The following SPTLC3 variants were observed in gnomAD, a reference collection of about 807,000 sequenced individuals.
SPTLC3 encodes serine palmitoyltransferase long chain base subunit 3, also known as serine palmitoyltransferase 3.
Under a neutral mutation model 59.3 loss-of-function variants are expected in SPTLC3, and 36 were observed. That is an observed-to-expected ratio of 0.61 (90% CI 0.47 to 0.80). SPTLC3 has a LOEUF of 0.80. Among genes scored for constraint, SPTLC3 ranks in the 30% least tolerant of loss-of-function variants. The probability of loss-of-function intolerance (pLI) is 0.00; values close to 1 mark genes in which losing one functional copy is unlikely to be tolerated. For synonymous variants in SPTLC3, 257 were observed against 240.8 expected, an observed-to-expected ratio of 1.07 and a Z score of -0.62; for missense variants, 625 against 685.1, an observed-to-expected ratio of 0.91 and a Z score of 0.98.
intron 6 of SPTLC3, among the ~76,000 whole-genome samples, chr20:13,103,509 C>T (rs9679883): frequency 0.024 from 3,637 of 152,182 alleles, 158 homozygotes; most frequent in African/African-American, 0.083. Context: ...ATATGAGTGC[C>T]GCTGATAGGC....
chr20:13,126,670 T>C lies in SPTLC3; in HGVS notation c.1232T>C (p.Ile411Thr). 6.2e-7 allele frequency: 1 copy of C among 1,614,064 alleles called. No individual in the cohort carries two copies. The highest frequency in any genetic ancestry group is 8.5e-7 in the Non-Finnish European group (1 of 1,179,956). Residue 411 changes from isoleucine (I) to threonine (T), a missense_variant, in exon 9 of 12, where the codon ATC (isoleucine) becomes ACC (threonine). Transcript: ENST00000399002. ...ATGAGCCCACCGATAGCAGAGCAAA[T>C]CATCAGATCACTAAAACTTATCATG... ...SSMSPPIAEQIIRSLKLIMGL... is the reference protein window; with the variant it reads ...SSMSPPIAEQTIRSLKLIMGL...
chr20:13,146,199 C>G (rs1197899186), intron 9 of SPTLC3, among the ~76,000 whole-genome samples: 1 of 152,108 alleles, frequency 6.6e-6, no homozygotes, highest in African/African-American at 2.4e-5. Context: ...ACCACATGTT[C>G]TTACTTATAG....
intron 9 of SPTLC3, among the ~76,000 whole-genome samples, chr20:13,153,352 T>G (rs899488296): frequency 6.6e-6 from 1 of 152,170 alleles, no homozygotes; most frequent in Non-Finnish European, 1.5e-5. Context: ...GTATGTACTT[T>G]GCTTGTCTTT....
Position 13,165,883 on chromosome 20 carries a change from C to T in SPTLC3, c.*1016C>T, listed in dbSNP as rs2038978226. On this transcript the variant is annotated 3_prime_UTR_variant, in exon 12 of 12. Transcript: ENST00000399002. ...GTTTAGGCCTATTAAATTGTACTATCACTTGTTACATGCCCTCTGAATTGG... is the reference window on the plus strand; with the variant it reads ...GTTTAGGCCTATTAAATTGTACTATTACTTGTTACATGCCCTCTGAATTGG... 6.6e-6 allele frequency: 1 copy of T among 152,210 alleles called. No homozygotes were observed. The highest frequency in any genetic ancestry group is 2.4e-5 in the African/African-American group (1 of 41,462). The allele number at this position is 152,210 out of a possible 1,614,324, so 9.4% of individuals were successfully genotyped here.
chr20:13,102,619 C>T (rs1989643388), intron 6 of SPTLC3, among the ~76,000 whole-genome samples: 1 of 152,166 alleles, frequency 6.6e-6, no homozygotes. Flanking sequence ...CTCCCAGGGC[C>T]AAGGCAGTTT....
At chr20:13,144,074 C>T (rs147749260) in intron 9 of SPTLC3, among the ~76,000 whole-genome samples, 39 of 152,274 alleles carry the variant, frequency 2.6e-4, no homozygotes, top group African/African-American at 9.1e-4. Flanking sequence ...CTCAAGGTGG[C>T]ATTTTTAGCT....
At chr20:13,045,086 A>T (rs1306746125) in intron 1 of SPTLC3, among the ~76,000 whole-genome samples, 2 of 152,040 alleles carry the variant, frequency 1.3e-5, no homozygotes, top group Non-Finnish European at 1.5e-5. Context: ...TATTGATTTC[A>T]TATCTCCTCT....
chr20:13,050,603 C>T (rs1987445033), intron 2 of SPTLC3: 1 of 152,118 alleles, frequency 6.6e-6, no homozygotes, highest in Non-Finnish European at 1.5e-5. Context: ...AAATTCATCA[C>T]CAAAAGATCT....
At chr20:13,094,578 G>T (rs771337555) in intron 6 of SPTLC3, among the ~76,000 whole-genome samples, 1 of 152,136 alleles carries the variant, frequency 6.6e-6, no homozygotes, top group Non-Finnish European at 1.5e-5. Flanking sequence ...GAAGGCTGAC[G>T]GAGAACTGAG....
At chr20:13,079,722 C>T (rs971518458) in intron 4 of SPTLC3, 2 of 469,978 alleles carry the variant, frequency 4.3e-6, no homozygotes, top group African/African-American at 2.0e-5. Context: ...AGTTCTACAA[C>T]CTGTGTTGGC....
chr20:13,079,723 C>A, intron 4 of SPTLC3: 1 of 469,968 alleles, frequency 2.1e-6, no homozygotes, highest in Non-Finnish European at 4.4e-6. Context: ...GTTCTACAAC[C>A]TGTGTTGGCC....
chr20:13,081,121 G>A (rs1988829322), intron 4 of SPTLC3, among the ~76,000 whole-genome samples: 4 of 152,084 alleles, frequency 2.6e-5, no homozygotes, highest in Admixed American at 2.6e-4. Flanking sequence ...AGCTTCCCAG[G>A]ACACACTTCC....
At chr20:13,147,392 C>T (rs2038540206) in intron 9 of SPTLC3, among the ~76,000 whole-genome samples, 2 of 152,156 alleles carry the variant, frequency 1.3e-5, no homozygotes, top group Admixed American at 1.3e-4. Flanking sequence ...TTACCGAGAT[C>T]TCTCTGCCCC....
At chr20:13,029,330 T>C (rs1449440467) in intron 1 of SPTLC3, among the ~76,000 whole-genome samples, 1 of 152,216 alleles carries the variant, frequency 6.6e-6, no homozygotes, top group African/African-American at 2.4e-5. Flanking sequence ...AGTTCGCTTT[T>C]GTTAAGTATA....
chr20:13,099,934 C>A (rs1989546289), intron 6 of SPTLC3, among the ~76,000 whole-genome samples: 2 of 152,172 alleles, frequency 1.3e-5, no homozygotes, highest in Admixed American at 1.3e-4. Context: ...TGGCCACCTG[C>A]ACCAGAGCAT....
chr20:13,163,103 C>T (rs1600416772), intron 11 of SPTLC3, among the ~76,000 whole-genome samples: 1 of 152,126 alleles, frequency 6.6e-6, no homozygotes, highest in African/African-American at 2.4e-5. Flanking sequence ...CGCAGTGGCT[C>T]ACGCCTATAA....
chr20:13,129,666 A>G (rs2038077199), intron 9 of SPTLC3, among the ~76,000 whole-genome samples: 1 of 152,210 alleles, frequency 6.6e-6, no homozygotes, highest in Non-Finnish European at 1.5e-5. Context: ...CATGTATGCA[A>G]CTTTGCAATC....
At chr20:13,012,734 A>G (rs1985321146) in intron 1 of SPTLC3, among the ~76,000 whole-genome samples, 1 of 152,198 alleles carries the variant, frequency 6.6e-6, no homozygotes, top group Admixed American at 6.5e-5. Flanking sequence ...ATAAATCACT[A>G]AGGAACTTCT....
At chr20:13,031,007 G>A (rs1385716186) in intron 1 of SPTLC3, among the ~76,000 whole-genome samples, 3 of 152,108 alleles carry the variant, frequency 2.0e-5, no homozygotes, top group African/African-American at 7.2e-5. Context: ...TTGATAGATA[G>A]TAAATATTTT....
Sources: gnomAD v4.1 joint callset for allele counts (sites outside exome capture counted in the v4.1 genomes callset) on GRCh38, gnomAD v4.1.1 for gene constraint, MANE v1.5 for transcripts, NCBI Gene and HGNC (gene_info 2026-07-23, HGNC 2026-07-21) for gene names.